GALNT17: variants seen among roughly 807,000 people sequenced by gnomAD.
GALNT17 encodes the protein polypeptide N-acetylgalactosaminyltransferase 17.
GALNT17 carries 29 observed loss-of-function variants against 63.7 expected under a neutral mutation model. The ratio of observed to expected loss-of-function variants is 0.46; its 90% CI spans 0.34 to 0.62. The LOEUF (loss-of-function observed/expected upper bound fraction) is 0.62, where lower values mean the gene tolerates loss of function less well. Among genes scored for constraint, GALNT17 ranks in the 20% least tolerant of loss-of-function variants. GALNT17 has a pLI of 0.01. For missense variants in GALNT17, 603 were observed against 799.6 expected (o/e 0.75, Z 2.97); for synonymous variants, 305 against 318.3 (o/e 0.96, Z 0.45).
intron 1 of GALNT17, among the ~76,000 whole-genome samples, chr7:71,221,662 A>G (rs1319143075): frequency 2.6e-5 from 4 of 152,186 alleles, no homozygotes; most frequent in South Asian, 4.1e-4. Context: ...TGATGTCAGC[A>G]TGCTTCTGCA....
At chr7:71,257,547 A>G (rs1362577586) in intron 1 of GALNT17, among the ~76,000 whole-genome samples, 2 of 152,160 alleles carry the variant, frequency 1.3e-5, no homozygotes, top group Non-Finnish European at 2.9e-5. Flanking sequence ...TATAGGTTTG[A>G]TATGGTTTGT....
chr7:71,305,898 A>G (rs1791282431), intron 1 of GALNT17, among the ~76,000 whole-genome samples: 1 of 152,232 alleles, frequency 6.6e-6, no homozygotes, highest in Non-Finnish European at 1.5e-5. Context: ...GCTTTAAGCA[A>G]GAGAGTGTCC....
intron 6 of GALNT17, among the ~76,000 whole-genome samples, chr7:71,587,345 AG>A (rs1314330132): frequency 6.6e-6 from 1 of 152,100 alleles, no homozygotes. Flanking sequence ...TACCCTTTGA[AG>A]GGGGGTACTT....
intron 1 of GALNT17, among the ~76,000 whole-genome samples, chr7:71,308,975 C>T (rs1005998006): frequency 6.6e-6 from 1 of 152,048 alleles, no homozygotes; most frequent in Non-Finnish European, 1.5e-5. Flanking sequence ...AACTCCTGAC[C>T]TCAGGTGATC....
chr7:71,483,876 T>C (rs937958910), intron 5 of GALNT17, among the ~76,000 whole-genome samples: 9 of 152,162 alleles, frequency 5.9e-5, no homozygotes, highest in African/African-American at 1.7e-4. Flanking sequence ...CTAATTTTTT[T>C]TTCTCTTTAC....
chr7:71,132,774 T>C lies in GALNT17; in HGVS notation c.-29T>C, dbSNP rs1464608474. The C allele has an allele frequency of 1.3e-6, 2 of 1,558,546 alleles. No homozygotes were observed. Among genetic ancestry groups the C allele is most frequent in the Admixed American group, 3.7e-5 (2 of 53,946 alleles). ...TCGCCGGAGCCCGAGGGGGCGCAGG[T>C]CCGGGGCGAGGGCCGGCCGGGCTGT... On this transcript the variant is annotated 5_prime_UTR_variant, in exon 1 of 11. Coordinates refer to ENST00000333538, the MANE Select transcript of GALNT17 (RefSeq NM_022479.3).
chr7:71,356,126 AC>A (rs1204336403), intron 2 of GALNT17, among the ~76,000 whole-genome samples: 1 of 151,882 alleles, frequency 6.6e-6, no homozygotes, highest in East Asian at 2.0e-4. Flanking sequence ...ACAGACGCCC[AC>A]CACCACATCA....
At chr7:71,452,276 T>G (rs1400374523) in intron 5 of GALNT17, among the ~76,000 whole-genome samples, 1 of 149,232 alleles carries the variant, frequency 6.7e-6, no homozygotes. Context: ...CCAGGTGTGG[T>G]GGCTTACGCC....
intron 9 of GALNT17, among the ~76,000 whole-genome samples, chr7:71,710,238 C>T (rs1290017951): frequency 4.6e-5 from 7 of 152,068 alleles, no homozygotes; most frequent in Non-Finnish European, 1.0e-4. Flanking sequence ...GGCCGGGCGC[C>T]GTGGCTCATG....
At chr7:71,699,031 G>A (rs1791586986) in intron 9 of GALNT17, among the ~76,000 whole-genome samples, 2 of 151,798 alleles carry the variant, frequency 1.3e-5, no homozygotes, top group South Asian at 4.2e-4. Flanking sequence ...AATTAGCTGG[G>A]CATGGCAGCG....
chr7:71,299,557 G>C (rs758536632), intron 1 of GALNT17, among the ~76,000 whole-genome samples: 1 of 152,080 alleles, frequency 6.6e-6, no homozygotes, highest in Non-Finnish European at 1.5e-5. Context: ...TGGAGGTATC[G>C]GACAGGTGTC....
rs1371356858 is a variant in GALNT17, at chr7:71,695,683, C to T, written c.1501-15078C>T. 7.2e-5 allele frequency among the ~76,000 whole-genome samples: 11 copies of T among 152,320 alleles called. No homozygotes were observed. In the East Asian group the frequency reaches 1.7e-3, roughly 24 times the overall value. On this transcript the variant is annotated intron_variant, in intron 9 of 10. Transcript: ENST00000333538. The stretch of plus-strand genomic sequence containing the variant: ...TCTCATGCTCCTTTTCTAACCCCAG[C>T]TCTCAGGCAGCCACCACTTGCCCAC...
At chr7:71,323,047 T>A (rs1791644473) in intron 1 of GALNT17, among the ~76,000 whole-genome samples, 1 of 152,022 alleles carries the variant, frequency 6.6e-6, no homozygotes, top group African/African-American at 2.4e-5. Flanking sequence ...AAAAAGAAGA[T>A]AAAAGGACGG....
chr7:71,431,464 C>T (rs1038970164), intron 5 of GALNT17, among the ~76,000 whole-genome samples: 1 of 152,128 alleles, frequency 6.6e-6, no homozygotes, highest in African/African-American at 2.4e-5. Context: ...CCCTCCTCAG[C>T]CTCCCAAAGT....
intron 5 of GALNT17, among the ~76,000 whole-genome samples, chr7:71,431,097 A>G (rs574196313): frequency 5.9e-5 from 9 of 152,258 alleles, no homozygotes; most frequent in African/African-American, 1.7e-4. Context: ...GCTCATAGCC[A>G]TAACTAACAC....
At chr7:71,613,309 A>G (rs1045159912) in intron 6 of GALNT17, among the ~76,000 whole-genome samples, 1 of 152,228 alleles carries the variant, frequency 6.6e-6, no homozygotes, top group Admixed American at 6.5e-5. Context: ...GTAGATGGCA[A>G]TGAGGATTTT....
chr7:71,693,040 G>T (rs1791479460), intron 9 of GALNT17, among the ~76,000 whole-genome samples: 1 of 151,576 alleles, frequency 6.6e-6, no homozygotes, highest in Admixed American at 6.6e-5. Context: ...GTACATATTT[G>T]TTATAGTATA....
chr7:71,605,095 T>A (rs551990284), intron 6 of GALNT17, among the ~76,000 whole-genome samples: 1 of 152,300 alleles, frequency 6.6e-6, no homozygotes, highest in East Asian at 1.9e-4. Context: ...TGAAACTACA[T>A]TGAGAACACT....
intron 4 of GALNT17, among the ~76,000 whole-genome samples, chr7:71,417,529 G>A (rs892209921): frequency 7.9e-5 from 12 of 152,224 alleles, no homozygotes; most frequent in Admixed American, 2.0e-4. Flanking sequence ...CACAGCATCC[G>A]CAGAATCTGA....
Sources: gnomAD v4.1 joint callset for allele counts (sites outside exome capture counted in the v4.1 genomes callset) on GRCh38, gnomAD v4.1.1 for gene constraint, MANE v1.5 for transcripts, NCBI Gene and HGNC (gene_info 2026-07-23, HGNC 2026-07-21) for gene names.